The following CEP128 variants were observed in gnomAD, a reference collection of about 807,000 sequenced individuals.
CEP128 encodes the protein centrosomal protein 128.
CEP128 carries 132 observed loss-of-function variants against 156.7 expected under a neutral mutation model. The ratio of observed to expected loss-of-function variants is 0.84; its 90% confidence interval spans 0.73 to 0.97. CEP128 has a LOEUF of 0.97. CEP128 is among the 50% of genes least tolerant of loss of function. The pLI, the probability that CEP128 is intolerant of heterozygous loss-of-function variation, is 0.00. For missense variants in CEP128, 1,252 were observed against 1,281.9 expected, an observed-to-expected ratio of 0.98 and a Z score of 0.36; for synonymous variants, 469 against 448.9, an observed-to-expected ratio of 1.04 and a Z score of -0.57.
intron 2 of CEP128, among the ~76,000 whole-genome samples, chr14:80,933,177 C>G (rs866270931): frequency 2.3e-4 from 35 of 152,120 alleles, no homozygotes; most frequent in African/African-American, 8.2e-4. Flanking sequence ...TGTTTCCTGC[C>G]CATCATTCGT....
chr14:80,949,373 G>A (rs565630236), intron 2 of CEP128, among the ~76,000 whole-genome samples: 5 of 152,266 alleles, frequency 3.3e-5, no homozygotes, highest in South Asian at 2.1e-4. Context: ...AGAGAGCTAC[G>A]TAGAGAGAAA....
At chr14:80,512,884 C>G (rs145668619) in intron 23 of CEP128, among the ~76,000 whole-genome samples, 2 of 152,066 alleles carry the variant, frequency 1.3e-5, no homozygotes, top group Admixed American at 1.3e-4. Flanking sequence ...ACCCCTCCCA[C>G]TTTTAAATTT....
At chr14:80,889,298 C>A (rs994346978) in intron 8 of CEP128, among the ~76,000 whole-genome samples, 4 of 152,052 alleles carry the variant, frequency 2.6e-5, no homozygotes, top group African/African-American at 9.7e-5. Context: ...CATATGGAAC[C>A]AAAAAAGAGC....
At chr14:80,933,999 T>C (rs1289011140) in intron 2 of CEP128, among the ~76,000 whole-genome samples, 1 of 152,188 alleles carries the variant, frequency 6.6e-6, no homozygotes, top group Non-Finnish European at 1.5e-5. Context: ...AGAAATAAGA[T>C]GGCAGACTTC....
intron 11 of CEP128, among the ~76,000 whole-genome samples, chr14:80,837,928 T>G (rs1000811740): frequency 6.6e-6 from 1 of 152,210 alleles, no homozygotes; most frequent in African/African-American, 2.4e-5. Flanking sequence ...GTCTTACTTT[T>G]ACACTGCTCA....
chr14:80,870,083 G>A (rs920134799), intron 8 of CEP128, among the ~76,000 whole-genome samples: 1 of 151,904 alleles, frequency 6.6e-6, no homozygotes, highest in African/African-American at 2.4e-5. Flanking sequence ...CCAATAATGA[G>A]TAAGGTGATT....
chr14:80,885,746 C>T lies in CEP128; in HGVS notation c.645+9972G>A, dbSNP rs376322950. Among the ~76,000 whole-genome samples, 28 of 152,228 alleles carry T rather than the reference C, an allele frequency of 1.8e-4. 3 individuals are homozygous for T. Among genetic ancestry groups the T allele is most frequent in the Admixed American group, 7.8e-4 (12 of 15,296 alleles). ...CCTCCAAATGATCGCAACTCCTCTC[C>T]AGCAACGGCACCAAATTGGACAGAG... On this transcript the variant is annotated intron_variant, in intron 8 of 24. Transcript: ENST00000555265.
At chr14:80,854,236 T>C (rs951819768) in intron 9 of CEP128, among the ~76,000 whole-genome samples, 1 of 152,034 alleles carries the variant, frequency 6.6e-6, no homozygotes, top group Non-Finnish European at 1.5e-5. Flanking sequence ...CACTCAACCA[T>C]TGCTGGCAGA....
At chr14:80,619,497 C>T (rs957651641) in intron 19 of CEP128, among the ~76,000 whole-genome samples, 5 of 151,260 alleles carry the variant, frequency 3.3e-5, no homozygotes, top group Admixed American at 2.0e-4. Flanking sequence ...GTCAGGAGTT[C>T]AAGACCAGCC....
chr14:80,673,645 C>CAAAAAAAAAAAAA (rs4016509), intron 19 of CEP128, among the ~76,000 whole-genome samples: 2 of 43,964 alleles, frequency 4.5e-5, no homozygotes, highest in African/African-American at 2.5e-4. Context: ...GACTCCGTCT[C>CAAAAAAAAAAAAA]AAAAAAAAAA....
chr14:80,714,345 C>T (rs756057536), intron 19 of CEP128, among the ~76,000 whole-genome samples: 7 of 151,944 alleles, frequency 4.6e-5, no homozygotes, highest in Non-Finnish European at 8.8e-5. Flanking sequence ...CTTAAGGCTA[C>T]TTTTCTCATT....
chr14:80,560,876 C>A (rs1025445634), intron 20 of CEP128, among the ~76,000 whole-genome samples: 2 of 152,116 alleles, frequency 1.3e-5, no homozygotes, highest in African/African-American at 4.8e-5. Flanking sequence ...CAAGTTAATA[C>A]TGAATAACTA....
intron 8 of CEP128, among the ~76,000 whole-genome samples, chr14:80,863,367 A>C (rs546046844): frequency 5.3e-5 from 8 of 152,352 alleles, no homozygotes; most frequent in Non-Finnish European, 5.9e-5. Flanking sequence ...TTAGCTTATC[A>C]ATCTTTTCTA....
chr14:80,490,951 G>C (rs7143767), intron 6 of CEP128, among the ~76,000 whole-genome samples: 118,682 of 152,050 alleles, frequency 0.78, 48,699 homozygotes, highest in Middle Eastern at 0.9. Context: ...GTTTCTGAAT[G>C]GATAGGTCTG....
intron 21 of CEP128, among the ~76,000 whole-genome samples, chr14:80,550,668 A>G: frequency 6.6e-6 from 1 of 151,642 alleles, no homozygotes; most frequent in East Asian, 1.9e-4. Flanking sequence ...AATAATGTAT[A>G]TATATGAATA....
intron 21 of CEP128, among the ~76,000 whole-genome samples, chr14:80,552,555 T>A (rs1022445672): frequency 1.3e-5 from 2 of 152,096 alleles, no homozygotes; most frequent in Admixed American, 6.6e-5. Flanking sequence ...TTTAGTTTTT[T>A]AATTTTTTTT....
At chr14:80,914,470 A>G (rs1211796085) in intron 3 of CEP128, 62 bp from the exon 4 acceptor site, 13 of 1,235,168 alleles carry the variant, frequency 1.1e-5, no homozygotes, top group East Asian at 2.3e-5. Context: ...AATCAATCTT[A>G]GTAGTATGTC....
intron 19 of CEP128, among the ~76,000 whole-genome samples, chr14:80,736,377 T>C (rs1328110524): frequency 6.6e-6 from 1 of 152,124 alleles, no homozygotes; most frequent in South Asian, 2.1e-4. Flanking sequence ...TCTCCCTAAG[T>C]GTGCTCATGA....
intron 16 of CEP128, among the ~76,000 whole-genome samples, chr14:80,774,536 G>C (rs1426194729): frequency 6.6e-6 from 1 of 151,906 alleles, no homozygotes; most frequent in African/African-American, 2.4e-5. Context: ...TCGTTTTCTT[G>C]CTTTTATCTG....
Sources: allele counts gnomAD v4.1 joint callset (sites outside exome capture counted in the v4.1 genomes callset), GRCh38; gene constraint gnomAD v4.1.1; transcripts MANE v1.5; gene names NCBI Gene and HGNC (gene_info 2026-07-23, HGNC 2026-07-21).